The following SLC35D2 variants were observed in gnomAD, a reference collection of about 807,000 sequenced individuals.
SLC35D2 encodes solute carrier family 35 member D2.
SLC35D2 carries 43 observed loss-of-function variants against 41.8 expected under a neutral mutation model. The ratio of observed to expected loss-of-function variants is 1.03; its 90% CI spans 0.81 to 1.33. The LOEUF is 1.33. SLC35D2 is among the 40% of genes most tolerant of loss of function. SLC35D2 has a pLI of 0.00. For synonymous variants in SLC35D2, 150 were observed against 163.9 expected (o/e 0.92, Z 0.65); for missense variants, 380 against 408.4 (o/e 0.93, Z 0.60).
intron 6 of SLC35D2, among the ~76,000 whole-genome samples, chr9:96,348,476 G>T (rs1829673085): frequency 6.6e-6 from 1 of 152,184 alleles, no homozygotes; most frequent in Non-Finnish European, 1.5e-5. Context: ...GGTGCATCTG[G>T]TGAGTGAAGC....
At chr9:96,347,887 C>T (rs147214607) in intron 6 of SLC35D2, among the ~76,000 whole-genome samples, 113 of 152,274 alleles carry the variant, frequency 7.4e-4, no homozygotes, top group Non-Finnish European at 1.2e-3. Flanking sequence ...CTCCCGCCAG[C>T]GCCGTGACAG....
At chr9:96,336,973 A>C (rs1038799535) in intron 8 of SLC35D2, among the ~76,000 whole-genome samples, 189 bp from the exon 9 acceptor site, 12 of 152,174 alleles carry the variant, frequency 7.9e-5, no homozygotes, top group African/African-American at 2.9e-4. Flanking sequence ...CTTCAGATTC[A>C]TTTTACAAAA....
chr9:96,353,165 C>T (rs1829879561), intron 4 of SLC35D2, among the ~76,000 whole-genome samples: 1 of 151,938 alleles, frequency 6.6e-6, no homozygotes, highest in South Asian at 2.1e-4. Context: ...ACCTAAATGT[C>T]AGACATCACA....
chr9:96,331,429 T>C (rs2130862408), intron 9 of SLC35D2, among the ~76,000 whole-genome samples: 1 of 152,284 alleles, frequency 6.6e-6, no homozygotes, highest in South Asian at 2.1e-4. Flanking sequence ...ATCAAAGTCT[T>C]GCAAGAATGT....
At chr9:96,369,800 C>T (rs1261284984) in intron 1 of SLC35D2, among the ~76,000 whole-genome samples, 2 of 152,156 alleles carry the variant, frequency 1.3e-5, no homozygotes, top group Non-Finnish European at 2.9e-5. Flanking sequence ...GGCTCCCAGT[C>T]ATTTCTCAGG....
At chr9:96,333,617 A>T (rs1195933253) in intron 9 of SLC35D2, among the ~76,000 whole-genome samples, 1 of 149,078 alleles carries the variant, frequency 6.7e-6, no homozygotes, top group East Asian at 2.0e-4. Context: ...AAAAAAAAAA[A>T]GTATGCAATT....
At chr9:96,333,350 T>A (rs1183003096) in intron 9 of SLC35D2, among the ~76,000 whole-genome samples, 3 of 151,256 alleles carry the variant, frequency 2.0e-5, no homozygotes, top group Admixed American at 6.6e-5. Flanking sequence ...TAATCCCAGC[T>A]CTTTGGGAGG....
rs73654885 is a variant in SLC35D2 at position 96,322,104 on chromosome 9, G to A, written c.832-24C>T. On this transcript the variant is annotated intron_variant, in intron 10 of 11. Coordinates refer to ENST00000253270, the MANE Select transcript of SLC35D2 (RefSeq NM_007001.3). ...TTCTGCAGAAAAAGAGAGAGGATTC[G>A]TCATTTTAAAAGTAAACTGTTTAGG... 6.8e-3 allele frequency: 9,879 copies of A among 1,454,444 alleles called. 560 individuals are homozygous for A. The African/African-American group carries it at 0.12, about 18-fold the overall frequency. 90.1% of individuals were successfully genotyped at this position (1,454,444 alleles called of 1,614,324 possible).
chr9:96,331,007 C>T (rs1395303748), intron 9 of SLC35D2, among the ~76,000 whole-genome samples: 3 of 152,332 alleles, frequency 2.0e-5, no homozygotes, highest in Non-Finnish European at 2.9e-5. Flanking sequence ...AAGAGATTAT[C>T]GTGCCTCAGC....
At chr9:96,337,994 A>AC (rs1315344242) in intron 8 of SLC35D2, among the ~76,000 whole-genome samples, 1 of 148,884 alleles carries the variant, frequency 6.7e-6, no homozygotes, top group Non-Finnish European at 1.5e-5. Flanking sequence ...AAAAAAAAAA[A>AC]AAAAAAAAAA....
chr9:96,370,486 G>A (rs577354477), intron 1 of SLC35D2, among the ~76,000 whole-genome samples: 102 of 151,904 alleles, frequency 6.7e-4, no homozygotes, highest in African/African-American at 2.1e-3. Flanking sequence ...GTGAAACTCC[G>A]TCTCTGCTAA....
chr9:96,332,846 A>C (rs1313518530), intron 9 of SLC35D2, among the ~76,000 whole-genome samples: 1 of 151,942 alleles, frequency 6.6e-6, no homozygotes, highest in Admixed American at 6.6e-5. Flanking sequence ...TAAACCTGAA[A>C]TGTTAATGAT....
intron 1 of SLC35D2, among the ~76,000 whole-genome samples, chr9:96,381,508 ATGCCACCTCCTTCTGAGGCTCCAC>A (rs1831197500): frequency 6.6e-6 from 1 of 152,020 alleles, no homozygotes; most frequent in South Asian, 2.1e-4. Context: ...CTTGGCTCCA[ATGCCACCTCCTTCTGAGGCTCCAC>A]TGATCACGCT....
downstream of SLC35D2, among the ~76,000 whole-genome samples, chr9:96,316,095 C>T (rs1828046243): frequency 6.6e-6 from 1 of 152,154 alleles, no homozygotes. Context: ...GAAAGAAATG[C>T]TAAATGTTGG....
intron 1 of SLC35D2, among the ~76,000 whole-genome samples, chr9:96,368,737 T>TCC (rs1830569287): frequency 6.7e-6 from 1 of 149,028 alleles, no homozygotes; most frequent in African/African-American, 2.5e-5. Context: ...ATACTCCCTC[T>TCC]CTCTCTCTCT....
chr9:96,381,345 T>G (rs1265031514), intron 1 of SLC35D2, among the ~76,000 whole-genome samples: 1 of 152,234 alleles, frequency 6.6e-6, no homozygotes, highest in African/African-American at 2.4e-5. Flanking sequence ...GCCAGAGCCC[T>G]GGCGGTGGCC....
At chr9:96,352,906 T>C (rs1681380563) in intron 4 of SLC35D2, among the ~76,000 whole-genome samples, 3 of 151,800 alleles carry the variant, frequency 2.0e-5, no homozygotes, top group South Asian at 2.1e-4. Flanking sequence ...GGCATGGTGA[T>C]GTGAACCTGC....
intron 4 of SLC35D2, among the ~76,000 whole-genome samples, chr9:96,353,907 C>A (rs1489265128): frequency 6.6e-6 from 1 of 152,176 alleles, no homozygotes; most frequent in African/African-American, 2.4e-5. Flanking sequence ...AGAGCTGGAA[C>A]AGCAGCACAG....
chr9:96,356,699 T>A (rs559158659), intron 4 of SLC35D2, among the ~76,000 whole-genome samples: 1 of 150,488 alleles, frequency 6.6e-6, no homozygotes, highest in African/African-American at 2.4e-5. Flanking sequence ...TGAAATGCTA[T>A]CTCTACAAAA....
Sources: gnomAD v4.1 joint callset for allele counts (sites outside exome capture counted in the v4.1 genomes callset) on GRCh38, gnomAD v4.1.1 for gene constraint, MANE v1.5 for transcripts, NCBI Gene and HGNC (gene_info 2026-07-23, HGNC 2026-07-21) for gene names.